Variants in FRMPD4 observed in about 807,000 individuals in gnomAD.
The protein encoded by FRMPD4 is FERM and PDZ domain containing 4, also known as FERM and PDZ domain-containing protein 4.
In FRMPD4, 22 loss-of-function variants were observed where a neutral mutation model predicts 94.1. The observed-to-expected ratio is 0.23, with a 90% CI of 0.17 to 0.33. The LOEUF (loss-of-function observed/expected upper bound fraction) is 0.33. Among genes scored for constraint, FRMPD4 ranks in the 10% least tolerant of loss-of-function variants. The pLI is 1.00. For missense variants in FRMPD4, 1,111 were observed against 1,339.9 expected (o/e 0.83, Z 2.67); for synonymous variants, 631 against 548.6 (o/e 1.15, Z -2.10).
At chrX:12,303,478 G>C (rs1448839462) in intron 1 of FRMPD4, among the ~76,000 whole-genome samples, 2 of 111,658 alleles carry the variant, frequency 1.8e-5, no homozygotes, top group East Asian at 5.6e-4. Context: ...TGTGCTTATT[G>C]TAATAGTAAA....
intron 1 of FRMPD4, among the ~76,000 whole-genome samples, chrX:12,272,471 A>G (rs2054369067): frequency 9.0e-6 from 1 of 111,723 alleles, no homozygotes; most frequent in South Asian, 3.8e-4. Context: ...AATCATTTAA[A>G]TGACGAAAGA....
chrX:12,430,917 G>C (rs1048836225), intron 1 of FRMPD4, among the ~76,000 whole-genome samples: 3 of 112,420 alleles, frequency 2.7e-5, no homozygotes, highest in African/African-American at 9.7e-5. Context: ...CTGGCTGCTA[G>C]TTTTCCAGAC....
intron 4 of FRMPD4, among the ~76,000 whole-genome samples, chrX:12,620,648 C>G (rs182372850): frequency 8.9e-6 from 1 of 112,190 alleles, no homozygotes; most frequent in Non-Finnish European, 1.9e-5. Context: ...ATAGGCCTAC[C>G]CCCCATTGCA....
At chrX:12,005,619 G>A (rs1468885416) in intron 3 of FRMPD4, among the ~76,000 whole-genome samples, 6 of 111,046 alleles carry the variant, frequency 5.4e-5, no homozygotes, top group East Asian at 2.9e-4. Context: ...ATCATCTTTC[G>A]ACAGACATGT....
chrX:12,282,978 G>A (rs890687915), intron 1 of FRMPD4, among the ~76,000 whole-genome samples: 4 of 112,848 alleles, frequency 3.5e-5, no homozygotes, highest in African/African-American at 1.3e-4. Context: ...GCAATTAAAA[G>A]CCCATTTCCT....
chrX:12,628,687 T>A (rs1469690262), intron 4 of FRMPD4, among the ~76,000 whole-genome samples: 2 of 112,656 alleles, frequency 1.8e-5, no homozygotes, highest in African/African-American at 3.2e-5. Flanking sequence ...TGCCTGCCCT[T>A]TCACAGGCAA....
rs59865950 is a variant in FRMPD4, at chrX:12,553,466, ATC to A, written c.158+54672_158+54673del. Among the ~76,000 whole-genome samples, 127 of 78,052 alleles carry A rather than the reference ATC, an allele frequency of 1.6e-3. 1 individual carries two copies. Among genetic ancestry groups the A allele is most frequent in the Middle Eastern group, 6.8e-3 (1 of 148 alleles). The allele number at this position is 78,052 out of a possible 115,157, so 67.8% of individuals were successfully genotyped here. On this transcript the variant is annotated intron_variant, in intron 2 of 16. Transcript: ENST00000675598. The stretch of plus-strand genomic sequence containing the variant: ...TATATATATATATATATATATATAT[ATC>A]TAATCCACTAATTTATTTGCAACAA...
At chrX:12,171,636 A>C (rs1323932871) in intron 1 of FRMPD4, among the ~76,000 whole-genome samples, 1 of 111,988 alleles carries the variant, frequency 8.9e-6, no homozygotes, top group Non-Finnish European at 1.9e-5. Context: ...AGTCAAAATC[A>C]AACAAGCAAA....
At chrX:12,593,989 G>A (rs1423199029) in intron 2 of FRMPD4, among the ~76,000 whole-genome samples, 2 of 111,593 alleles carry the variant, frequency 1.8e-5, no homozygotes, top group Admixed American at 1.9e-4. Flanking sequence ...GTGTCATTCA[G>A]AACTACCATT....
intron 1 of FRMPD4, among the ~76,000 whole-genome samples, chrX:12,381,354 C>T (rs1005248557): frequency 1.8e-5 from 2 of 112,160 alleles, no homozygotes; most frequent in Non-Finnish European, 3.8e-5. Flanking sequence ...CCTTGATATA[C>T]GAACTATGAA....
intron 3 of FRMPD4, among the ~76,000 whole-genome samples, chrX:12,049,917 T>C (rs2054807607): frequency 9.0e-6 from 1 of 111,674 alleles, no homozygotes; most frequent in Non-Finnish European, 1.9e-5. Flanking sequence ...AAAAAGTTTA[T>C]AGAATAAGAA....
chrX:12,707,486 G>A lies in FRMPD4; in HGVS notation c.1305G>A (p.Ser435=), dbSNP rs548107853. 1.1e-5 allele frequency: 13 copies of A among 1,199,129 alleles called. No individual in the cohort carries two copies. The highest frequency in any genetic ancestry group is 1.8e-5 in the African/African-American group (1 of 57,024). The change falls in exon 13 of 17, where the codon TCG becomes TCA. Residue 435 remains serine, a synonymous_variant. Transcript: ENST00000675598. ...KATLVQAEKR[S]EVTLLVGPRY... ...TTTCTCAGCAGGCAGAAAAGCGCTC[G>A]GAAGTGACTCTCCTGGTTGGGCCCC...
chrX:12,676,404 C>G (rs1338774556), intron 5 of FRMPD4, among the ~76,000 whole-genome samples: 2 of 112,833 alleles, frequency 1.8e-5, no homozygotes, highest in Non-Finnish European at 3.7e-5. Flanking sequence ...ATGTAAATGT[C>G]TATAATAAGC....
chrX:12,066,295 G>C (rs1172113946), intron 3 of FRMPD4, among the ~76,000 whole-genome samples: 1 of 111,850 alleles, frequency 8.9e-6, no homozygotes, highest in Non-Finnish European at 1.9e-5. Context: ...GCAAAATGAT[G>C]TGGCACTAAT....
intron 2 of FRMPD4, among the ~76,000 whole-genome samples, chrX:11,875,012 C>T (rs1294325107): frequency 3.6e-5 from 4 of 112,253 alleles, no homozygotes; most frequent in African/African-American, 9.7e-5. Context: ...AGGCCTTGAA[C>T]GTGAATGTCA....
chrX:12,184,788 C>T (rs1467002371), intron 1 of FRMPD4, among the ~76,000 whole-genome samples: 1 of 110,643 alleles, frequency 9.0e-6, no homozygotes, highest in Non-Finnish European at 1.9e-5. Flanking sequence ...ACATTGAACT[C>T]GTGGAGATAG....
intron 1 of FRMPD4, among the ~76,000 whole-genome samples, chrX:12,219,415 T>A (rs927967255): frequency 3.6e-5 from 4 of 111,781 alleles, no homozygotes; most frequent in Non-Finnish European, 7.5e-5. Context: ...CAGGCTCTGA[T>A]GCCTTAGTCT....
chrX:12,338,960 G>A (rs1331713910), intron 1 of FRMPD4, among the ~76,000 whole-genome samples: 2 of 112,048 alleles, frequency 1.8e-5, no homozygotes, highest in African/African-American at 6.5e-5. Flanking sequence ...TTTGGCCTGA[G>A]AACAGAGCAT....
chrX:12,315,221 C>G (rs5933986), intron 1 of FRMPD4, among the ~76,000 whole-genome samples: 32,770 of 111,464 alleles, frequency 0.29, 4,960 homozygotes, highest in African/African-American at 0.59. Context: ...TTTTGAGTTT[C>G]CTTGCCAGAA....
Sources: allele counts gnomAD v4.1 joint callset (sites outside exome capture counted in the v4.1 genomes callset), GRCh38; gene constraint gnomAD v4.1.1; transcripts MANE v1.5; gene names NCBI Gene and HGNC (gene_info 2026-07-23, HGNC 2026-07-21).